Variants in MYH13 observed in about 807,000 individuals in gnomAD.
MYH13 encodes the protein myosin heavy chain 13.
A neutral mutation model predicts 232.1 loss-of-function variants in MYH13; 177 were observed. The observed-to-expected ratio is 0.76, with a 90% CI of 0.67 to 0.86. The LOEUF (loss-of-function observed/expected upper bound fraction) is 0.86, where lower values mean the gene tolerates loss of function less well. Ranked by LOEUF, MYH13 falls within the 40% of genes least tolerant of loss-of-function variation. MYH13 has a pLI of 0.00. For synonymous variants in MYH13, 884 were observed against 923.5 expected (o/e 0.96, Z 0.78); for missense variants, 2,246 against 2,405.9 (o/e 0.93, Z 1.39).
Position 10,309,595 on chromosome 17 carries a change from A to C in MYH13, c.4892T>G (p.Ile1631Ser). ...KMEGDLNEME[I>S]QLGHSNRQMA... ...CTGGCGGTTGGAGTGGCCCAGCTGA[A>C]TCTCCATCTCATTAAGGTCTCCCTC... is the stretch of plus-strand genomic sequence containing the variant. The change falls in exon 34 of 41, where the codon ATT becomes AGT. Residue 1631 changes from isoleucine (I) to serine (S), a missense_variant. Transcript: ENST00000252172. 1.2e-6 allele frequency: 2 copies of C among 1,613,438 alleles called. No individual in the cohort carries two copies. Among genetic ancestry groups the C allele is most frequent in the Non-Finnish European group, 1.7e-6 (2 of 1,179,764 alleles).
chr17:10,338,583 AC>A (rs1302796160), intron 18 of MYH13, among the ~76,000 whole-genome samples: 4 of 151,890 alleles, frequency 2.6e-5, no homozygotes, highest in African/African-American at 9.7e-5. Context: ...CCTCACGACA[AC>A]CCTCTAAGGT....
chr17:10,305,931 C>A (rs1371505449), intron 37 of MYH13, among the ~76,000 whole-genome samples: 2 of 152,056 alleles, frequency 1.3e-5, no homozygotes, highest in Non-Finnish European at 2.9e-5. Flanking sequence ...ATACCTGTGC[C>A]AGAATTGCAG....
chr17:10,319,836 A>G (rs983874755), intron 26 of MYH13, among the ~76,000 whole-genome samples: 4 of 152,214 alleles, frequency 2.6e-5, no homozygotes, highest in Non-Finnish European at 5.9e-5. Flanking sequence ...AGGCAGAAAG[A>G]TGCACATCCC....
Position 10,327,919 on chromosome 17 carries a change from TC to T in MYH13, c.2637del (p.Met881TrpfsTer22). 6.2e-7 allele frequency: 1 copy of T among 1,613,824 alleles called. No homozygotes were observed. Among genetic ancestry groups the T allele is most frequent in the Non-Finnish European group, 8.5e-7 (1 of 1,179,912 alleles). On this transcript the variant is annotated frameshift_variant, in exon 22 of 41. Transcript: ENST00000252172. LOFTEE classifies it high-confidence loss of function. ...RSEARRKELE[E>X]KMVSLLQEKN... ...TTCTCCTGCAGGAGGGAGACCATTT[TC>T]TCCTCCAGCTCCTTCCGGCGAGCCT...
chr17:10,306,220 A>ATGTGTGTGTGTGTGTGTGTGTGTGTG lies in MYH13; in HGVS notation c.5466+213_5466+238dup, dbSNP rs34889608. 1.5e-5 allele frequency among the ~76,000 whole-genome samples: 2 copies of ATGTGTGTGTGTGTGTGTGTGTGTGTG among 129,944 alleles called. No homozygotes were observed. Among genetic ancestry groups the ATGTGTGTGTGTGTGTGTGTGTGTGTG allele is most frequent in the Admixed American group, 1.5e-4 (2 of 12,946 alleles). The allele number at this position is 129,944 out of a possible 152,430, so 85.2% of individuals were successfully genotyped here. ...CTGAGGTGTGAGCATACCAAAATAG[A>ATGTGTGTGTGTGTGTGTGTGTGTGTG]TGTGTGTGTGTGTGTGTGTGTGTGT... is the stretch of plus-strand genomic sequence containing the variant. On this transcript the variant is annotated intron_variant, in intron 37 of 40. Coordinates refer to ENST00000252172, the MANE Select transcript of MYH13 (RefSeq NM_003802.3). This position sits in a 1 kb window ranked among gnomAD's most constrained non-coding sequence, Gnocchi z 4.3.
At chr17:10,369,287 T>G (rs888502140) in intron 2 of MYH13, among the ~76,000 whole-genome samples, 2 of 152,320 alleles carry the variant, frequency 1.3e-5, no homozygotes, top group Admixed American at 6.5e-5. Flanking sequence ...GTAATATTTG[T>G]TTAACACTTA....
intron 13 of MYH13, among the ~76,000 whole-genome samples, chr17:10,345,991 CAAAAAAAAAAAAAA>C (rs1211414796): frequency 2.4e-5 from 2 of 83,084 alleles, no homozygotes; most frequent in African/African-American, 1.2e-4. Context: ...GACTCTGTCT[CAAAAAAAAAAAAAA>C]AAAAAAAACA....
Position 10,303,180 on chromosome 17 carries a change from G to C in MYH13, c.5667+16C>G. The C allele has an allele frequency of 6.2e-7, 1 of 1,610,608 alleles. No homozygotes were observed. Among genetic ancestry groups the C allele is most frequent in the Non-Finnish European group, 8.5e-7 (1 of 1,178,552 alleles). ...CTGTCTGTCTGTGGGCACTGCCGGG[G>C]ACCTCCTGTGCTTACCGCCTCCTCA... On this transcript the variant is annotated intron_variant, in intron 39 of 40. Coordinates refer to ENST00000252172, the MANE Select transcript of MYH13 (RefSeq NM_003802.3).
intron 18 of MYH13, among the ~76,000 whole-genome samples, chr17:10,336,074 T>G (rs546537848): frequency 6.6e-6 from 1 of 152,142 alleles, no homozygotes; most frequent in South Asian, 2.1e-4. Flanking sequence ...GGCGGGGCAC[T>G]GGGGGAGACT....
chr17:10,352,915 TAACA>T (rs1189093358), intron 11 of MYH13, among the ~76,000 whole-genome samples: 2 of 152,172 alleles, frequency 1.3e-5, no homozygotes, highest in African/African-American at 4.8e-5. Context: ...TATATTCTTG[TAACA>T]AATAGCTGAG....
intron 24 of MYH13, 72 bp downstream of exon 24, chr17:10,321,460 C>G: frequency 1.4e-6 from 2 of 1,444,542 alleles, no homozygotes; most frequent in Admixed American, 2.0e-5. Context: ...GCCCTGTGTC[C>G]TAGTTAGACT....
chr17:10,365,765 C>T (rs566840806), intron 2 of MYH13, among the ~76,000 whole-genome samples: 1 of 151,864 alleles, frequency 6.6e-6, no homozygotes, highest in Admixed American at 6.6e-5. Flanking sequence ...GGTCTCTAAA[C>T]TTTGTGCGTG....
At position 10,354,954 on chromosome 17, in the gene MYH13, C is replaced by T. The variant is rs1434082437; in HGVS notation, c.842G>A (p.Ser281Asn). 4.3e-6 allele frequency: 7 copies of T among 1,609,382 alleles called. No individual in the cohort carries two copies. The highest frequency in any genetic ancestry group is 5.1e-6 in the Non-Finnish European group (6 of 1,175,832). ...EKSRVTFQLSSERSYHIFYQI... is the reference protein window; with the variant it reads ...EKSRVTFQLSNERSYHIFYQI... ...GTAGAAAATATGATAGCTTCTCTCA[C>T]TGGATAATTGAAACGTCACTCTGGA... is the stretch of plus-strand genomic sequence containing the variant. Residue 281 changes from serine to asparagine, a missense_variant, in exon 10 of 41, where the codon AGT becomes AAT. Ser to Asn is a conservative substitution (Grantham distance 46). Coordinates refer to ENST00000252172, the MANE Select transcript of MYH13 (RefSeq NM_003802.3).
At chr17:10,347,709 C>CTACTT (rs2071676628) in intron 12 of MYH13, among the ~76,000 whole-genome samples, 2 of 95,876 alleles carry the variant, frequency 2.1e-5, no homozygotes, top group Admixed American at 2.4e-4. Context: ...CCAGGGACTA[C>CTACTT]TTCTTTTTTT....
At chr17:10,313,578 G>A (rs898559406) in intron 29 of MYH13, among the ~76,000 whole-genome samples, 2 of 152,058 alleles carry the variant, frequency 1.3e-5, no homozygotes, top group Non-Finnish European at 2.9e-5. Flanking sequence ...AGGAAAGTAA[G>A]TGGAAAACCA....
intron 8 of MYH13, among the ~76,000 whole-genome samples, chr17:10,357,443 A>T (rs1454858517): frequency 6.6e-6 from 1 of 152,170 alleles, no homozygotes; most frequent in East Asian, 1.9e-4. Context: ...GACCCATTTT[A>T]GCATAAAGTT....
Position 10,362,101 on chromosome 17 carries a change from T to A in MYH13, c.505+17A>T, listed in dbSNP as rs1187313141. ...TAAGGATGGCTTCAAAAAATATGAA[T>A]CAAAGAAATTACTCACCAGTCAGCA... On this transcript the variant is annotated intron_variant, in intron 5 of 40. Coordinates refer to ENST00000252172, the MANE Select transcript of MYH13 (RefSeq NM_003802.3). 2 of 1,613,556 alleles carry A rather than the reference T, an allele frequency of 1.2e-6. No homozygotes were observed. Among genetic ancestry groups the A allele is most frequent in the Non-Finnish European group, 1.7e-6 (2 of 1,179,828 alleles).
chr17:10,367,294 T>G (rs1375802775), intron 2 of MYH13, among the ~76,000 whole-genome samples: 3 of 152,198 alleles, frequency 2.0e-5, no homozygotes, highest in Non-Finnish European at 4.4e-5. Flanking sequence ...AATTAAAAAA[T>G]ATTTATTCAT....
chr17:10,368,347 G>A (rs1312253913), intron 2 of MYH13, among the ~76,000 whole-genome samples: 1 of 152,180 alleles, frequency 6.6e-6, no homozygotes, highest in Non-Finnish European at 1.5e-5. Flanking sequence ...TGGAGAACAT[G>A]TTTGCCAAAT....
Sources: gnomAD v4.1 joint callset for allele counts (sites outside exome capture counted in the v4.1 genomes callset) on GRCh38, gnomAD v4.1.1 for gene constraint, Gnocchi (gnomAD v3.1) non-coding constraint, MANE v1.5 for transcripts, NCBI Gene and HGNC (gene_info 2026-07-23, HGNC 2026-07-21) for gene names.